The following SORL1 variants were observed in gnomAD, a reference collection of about 807,000 sequenced individuals.
The protein encoded by SORL1 is sortilin-related receptor.
Under a neutral mutation model 273.7 loss-of-function variants are expected in SORL1, and 127 were observed. The observed-to-expected ratio is 0.46, with a 90% CI of 0.40 to 0.54. SORL1 has a LOEUF of 0.54. Ranked by LOEUF, SORL1 falls within the 20% of genes least tolerant of loss-of-function variation. SORL1 has a pLI of 0.00. For missense variants in SORL1, 2,494 were observed against 2,846.1 expected, an observed-to-expected ratio of 0.88 and a Z score of 2.81; for synonymous variants, 1,031 against 1,067.4, an observed-to-expected ratio of 0.97 and a Z score of 0.66.
intron 35 of SORL1, among the ~76,000 whole-genome samples, chr11:121,605,833 A>G (rs946131955): frequency 2.0e-5 from 3 of 152,152 alleles, no homozygotes; most frequent in African/African-American, 7.2e-5. Flanking sequence ...TTCTACCTCT[A>G]CGTTCCTCCT....
At chr11:121,538,216 A>C (rs886244865) in intron 12 of SORL1, among the ~76,000 whole-genome samples, 2 of 149,420 alleles carry the variant, frequency 1.3e-5, no homozygotes, top group Admixed American at 6.7e-5. Flanking sequence ...TATCATTTGC[A>C]TACCACAGGA....
Position 121,497,022 on chromosome 11 carries a change from C to G in SORL1, c.912C>G (p.Asp304Glu). 1.2e-6 allele frequency: 2 copies of G among 1,613,948 alleles called. No homozygotes were observed. The highest frequency in any genetic ancestry group is 1.1e-5 in the South Asian group (1 of 91,082). The change falls in exon 6 of 48, where the codon GAC becomes GAG. Residue 304 changes from aspartate (D) to glutamate (E), a missense_variant. By Grantham distance (45) the Asp-to-Glu change is conservative. Coordinates refer to ENST00000260197, the MANE Select transcript of SORL1 (RefSeq NM_003105.6). ...LEEVRDFQLRDKYMFATKVVH... is the reference protein window; with the variant it reads ...LEEVRDFQLREKYMFATKVVH... ...AAGTGAGAGATTTTCAGCTTCGGGA[C>G]AAGTACATGTTTGCTACAAAGGTGG...
At chr11:121,537,231 T>A (rs1862279799) in intron 12 of SORL1, among the ~76,000 whole-genome samples, 1 of 152,210 alleles carries the variant, frequency 6.6e-6, no homozygotes, top group Non-Finnish European at 1.5e-5. Context: ...TGTGCCTTAC[T>A]AAAGAGATTA....
At chr11:121,502,098 T>C (rs12798073) in intron 6 of SORL1, among the ~76,000 whole-genome samples, 83,893 of 147,358 alleles carry the variant, frequency 0.57, 24,162 homozygotes, top group Middle Eastern at 0.64. Context: ...TACCTGGGAG[T>C]GTAACTACTG....
chr11:121,612,390 A>T (rs1007842991), intron 39 of SORL1: 12 of 204,166 alleles, frequency 5.9e-5, no homozygotes, highest in African/African-American at 2.6e-4. Context: ...GACTGCAAGG[A>T]TTTATCCTTA....
rs997973581 is a variant in SORL1 at position 121,563,342 on chromosome 11, A to G, written c.3050-3598A>G. ...ATAATAAAAATGTTGTTCAGTTGCA[A>G]CATTTATCAATTTGAAATATTTGGT... is the stretch of plus-strand genomic sequence containing the variant. On this transcript the variant is annotated intron_variant, in intron 21 of 47. Transcript: ENST00000260197. The surrounding 1 kb of genome is among the most constrained non-coding windows in gnomAD (Gnocchi z 4.2). Among the ~76,000 whole-genome samples the G allele has an allele frequency of 6.6e-6, 1 of 152,180 alleles. No individual in the cohort carries two copies. The highest frequency in any genetic ancestry group is 1.5e-5 in the Non-Finnish European group (1 of 68,034).
intron 22 of SORL1, among the ~76,000 whole-genome samples, chr11:121,569,164 TGC>T (rs1862798836): frequency 6.7e-6 from 1 of 148,404 alleles, no homozygotes; most frequent in African/African-American, 2.6e-5. Flanking sequence ...TGATTTCCTA[TGC>T]CTGTCTTTAC....
At chr11:121,575,119 A>G (rs1392991785) in intron 24 of SORL1, among the ~76,000 whole-genome samples, 2 of 152,214 alleles carry the variant, frequency 1.3e-5, no homozygotes, top group Non-Finnish European at 2.9e-5. Context: ...CAATCCTTTT[A>G]ATTTCTACTT....
intron 5 of SORL1, among the ~76,000 whole-genome samples, chr11:121,492,253 C>T (rs572888122): frequency 2.6e-5 from 4 of 152,154 alleles, no homozygotes; most frequent in East Asian, 1.9e-4. Flanking sequence ...CCCAGCTACT[C>T]GGGAGGCTGA....
rs555199319 is a variant in SORL1 at position 121,602,159 on chromosome 11, C to T, written c.4520-2034C>T. On this transcript the variant is annotated intron_variant, in intron 32 of 47. Coordinates refer to ENST00000260197, the MANE Select transcript of SORL1 (RefSeq NM_003105.6). ...AACCTTTCTCTAATTCTTGAATACACGTTTATTTGTCATGAGCTTCCCCCC... is the reference window on the plus strand; with the variant it reads ...AACCTTTCTCTAATTCTTGAATACATGTTTATTTGTCATGAGCTTCCCCCC... Among the ~76,000 whole-genome samples, 22 of 152,260 alleles carry T rather than the reference C, an allele frequency of 1.4e-4. No homozygotes were observed. The South Asian group carries it at 2.5e-3, about 17-fold the overall frequency.
intron 12 of SORL1, among the ~76,000 whole-genome samples, chr11:121,535,035 C>A (rs1862248514): frequency 6.6e-6 from 1 of 151,806 alleles, no homozygotes; most frequent in South Asian, 2.1e-4. Context: ...AGGCACTTAG[C>A]AAATATTTGA....
At chr11:121,612,015 C>T (rs980429152) in intron 39 of SORL1, 2 of 152,342 alleles carry the variant, frequency 1.3e-5, no homozygotes, top group Admixed American at 6.5e-5. Flanking sequence ...GTGGTGCATG[C>T]CTGTAATCCC....
At position 121,630,130 on chromosome 11, in the gene SORL1, G is replaced by A. The variant is rs1863854019; in HGVS notation, c.*567G>A. The A allele has an allele frequency of 5.2e-5, 8 of 152,900 alleles. 1 individual carries two copies. Among genetic ancestry groups the A allele is most frequent in the Admixed American group, 5.2e-4 (8 of 15,376 alleles). 9.5% of individuals were successfully genotyped at this position (152,900 alleles called of 1,614,324 possible). A position where few individuals can be genotyped will look rare whatever the true frequency, so the allele number is the denominator to read the frequency against. On this transcript the variant is annotated 3_prime_UTR_variant, in exon 48 of 48. Transcript: ENST00000260197. ...TATGAGCCCCTTACCCATAGGGTTG[G>A]GGGTGGGAAGAGAAGCATATTTTTT... is the stretch of plus-strand genomic sequence containing the variant.
chr11:121,551,580 A>C (rs1404492284), intron 16 of SORL1, among the ~76,000 whole-genome samples: 1 of 152,068 alleles, frequency 6.6e-6, no homozygotes, highest in Non-Finnish European at 1.5e-5. Flanking sequence ...TTTCCTGCCC[A>C]TTACCTCTTG....
intron 1 of SORL1, among the ~76,000 whole-genome samples, chr11:121,467,139 C>A (rs1438352884): frequency 1.3e-5 from 2 of 150,544 alleles, no homozygotes; most frequent in Non-Finnish European, 2.9e-5. Context: ...ACGCCATTCT[C>A]CTGCCTCAGC....
At chr11:121,546,014 T>C (rs1482591524) in intron 14 of SORL1, among the ~76,000 whole-genome samples, 1 of 152,196 alleles carries the variant, frequency 6.6e-6, no homozygotes, top group African/African-American at 2.4e-5. Flanking sequence ...TGGATTGCTG[T>C]TGGAGAATGA....
At chr11:121,541,464 C>T (rs1862348900) in intron 12 of SORL1, among the ~76,000 whole-genome samples, 1 of 152,178 alleles carries the variant, frequency 6.6e-6, no homozygotes, top group East Asian at 1.9e-4. Flanking sequence ...TCTGCCTTGG[C>T]CTCCCAAAGT....
chr11:121,614,778 A>T, intron 40 of SORL1, 93 bp from the exon 41 acceptor site: 1 of 955,930 alleles, frequency 1.0e-6, no homozygotes, highest in Non-Finnish European at 1.7e-6. Flanking sequence ...TCAAGAGATT[A>T]CTATTTTTTT....
chr11:121,543,600 C>T lies in SORL1; in HGVS notation c.1738C>T (p.Pro580Ser), dbSNP rs933697857. Residue 580 changes from proline (P) to serine (S), a missense_variant, in exon 13 of 48, where the codon CCA becomes TCA. By Grantham distance (74) the Pro-to-Ser change is moderately conservative. Coordinates refer to ENST00000260197, the MANE Select transcript of SORL1 (RefSeq NM_003105.6). Reference sequence around the variant, plus strand: ...GAAAACATTCATCTTCTCTGAGAAGCCAGTGTTTGTGTATGGCCTCCTCAC... The same window carrying T: ...GAAAACATTCATCTTCTCTGAGAAGTCAGTGTTTGTGTATGGCCTCCTCAC... ...TWKTFIFSEK[P>S]VFVYGLLTEP... 1.2e-6 allele frequency: 2 copies of T among 1,613,924 alleles called. No individual in the cohort carries two copies. The highest frequency in any genetic ancestry group is 1.7e-6 in the Non-Finnish European group (2 of 1,179,918).
Sources: allele counts gnomAD v4.1 joint callset (sites outside exome capture counted in the v4.1 genomes callset), GRCh38; gene constraint gnomAD v4.1.1; non-coding constraint Gnocchi (gnomAD v3.1); transcripts MANE v1.5; gene names NCBI Gene and HGNC (gene_info 2026-07-23, HGNC 2026-07-21).